TAFA1: variants seen among roughly 807,000 people sequenced by gnomAD.
TAFA1 encodes the protein TAFA chemokine like family member 1, also known as chemokine-like protein TAFA-1.
Under a neutral mutation model 18.5 loss-of-function variants are expected in TAFA1, and 4 were observed. That is an observed-to-expected ratio of 0.22 (90% confidence interval 0.11 to 0.49). TAFA1 has a LOEUF of 0.49. TAFA1 is among the 20% of genes least tolerant of loss of function. TAFA1 has a pLI of 0.98. For missense variants in TAFA1, 147 were observed against 169.0 expected, an observed-to-expected ratio of 0.87 and a Z score of 0.72; for synonymous variants, 56 against 55.2, an observed-to-expected ratio of 1.01 and a Z score of -0.06.
Position 68,087,934 on chromosome 3 carries a change from A to G in TAFA1, c.118+81190A>G, listed in dbSNP as rs140069652. On this transcript the variant is annotated intron_variant, in intron 2 of 4. Transcript: ENST00000478136. ...TTATTTATTCATTCAATAAACATTTATTGAGCTGATACTGTGTGCCAGGTT... is the reference window on the plus strand; with the variant it reads ...TTATTTATTCATTCAATAAACATTTGTTGAGCTGATACTGTGTGCCAGGTT... Among the ~76,000 whole-genome samples the G allele has an allele frequency of 6.0e-4, 92 of 152,294 alleles. 2 individuals carry two copies. The highest frequency in any genetic ancestry group is 2.1e-3 in the African/African-American group (87 of 41,562).
intron 2 of TAFA1, among the ~76,000 whole-genome samples, chr3:68,094,515 G>A (rs2065064935): frequency 6.6e-6 from 1 of 152,122 alleles, no homozygotes; most frequent in South Asian, 2.1e-4. Flanking sequence ...TATTAAGAAA[G>A]TCAGATTTTG....
chr3:68,302,654 G>A (rs1003328359), intron 2 of TAFA1, among the ~76,000 whole-genome samples: 3 of 151,754 alleles, frequency 2.0e-5, no homozygotes, highest in Admixed American at 6.6e-5. Context: ...ACAATGTCTG[G>A]TATCGAAGGT....
At chr3:68,289,262 C>G (rs535566633) in intron 2 of TAFA1, among the ~76,000 whole-genome samples, 2 of 152,324 alleles carry the variant, frequency 1.3e-5, no homozygotes, top group East Asian at 3.9e-4. Flanking sequence ...ATAGGTTGCA[C>G]TTTCACTCTT....
intron 2 of TAFA1, among the ~76,000 whole-genome samples, chr3:68,104,128 C>T (rs1240436777): frequency 6.6e-6 from 1 of 152,198 alleles, no homozygotes; most frequent in Admixed American, 6.5e-5. Context: ...ATAACTCTCA[C>T]ATTCTGTACT....
At chr3:68,394,055 C>G (rs2070323210) in intron 2 of TAFA1, among the ~76,000 whole-genome samples, 1 of 151,714 alleles carries the variant, frequency 6.6e-6, no homozygotes, top group Non-Finnish European at 1.5e-5. Context: ...TAGAAAACCA[C>G]ATCGTCTCAA....
intron 2 of TAFA1, among the ~76,000 whole-genome samples, chr3:68,243,341 C>T (rs2067025616): frequency 6.6e-6 from 1 of 151,794 alleles, no homozygotes. Flanking sequence ...TACTCATTTG[C>T]ATGTGTGTGT....
chr3:68,456,965 A>T (rs2071678398), intron 3 of TAFA1, among the ~76,000 whole-genome samples: 2 of 152,212 alleles, frequency 1.3e-5, no homozygotes, highest in South Asian at 4.1e-4. Context: ...CCATGGTGTT[A>T]TCCAAGGTTT....
intron 2 of TAFA1, among the ~76,000 whole-genome samples, chr3:68,186,978 GA>G (rs138477001): frequency 1.2e-4 from 17 of 146,514 alleles, no homozygotes; most frequent in Middle Eastern, 3.4e-3. Context: ...AAGTTTGTGG[GA>G]AAAAAAAAAG....
intron 2 of TAFA1, among the ~76,000 whole-genome samples, chr3:68,180,324 GC>G (rs1322713641): frequency 6.6e-6 from 1 of 151,906 alleles, no homozygotes; most frequent in Non-Finnish European, 1.5e-5. Context: ...ACAAGTGTGA[GC>G]CACCACATCC....
intron 3 of TAFA1, among the ~76,000 whole-genome samples, chr3:68,427,773 G>T (rs1559665362): frequency 6.6e-6 from 1 of 151,870 alleles, no homozygotes; most frequent in Non-Finnish European, 1.5e-5. Context: ...TGTCATGGGA[G>T]GGACCCAGTT....
chr3:68,308,697 A>C (rs2106670056), intron 2 of TAFA1, among the ~76,000 whole-genome samples: 1 of 152,282 alleles, frequency 6.6e-6, no homozygotes, highest in South Asian at 2.1e-4. Flanking sequence ...TGATTTCATC[A>C]GGAATATAAT....
chr3:68,532,880 A>AAATAATAATAATAATAAT (rs3037452), intron 3 of TAFA1, among the ~76,000 whole-genome samples: 4 of 146,424 alleles, frequency 2.7e-5, no homozygotes, highest in African/African-American at 1.0e-4. Flanking sequence ...TTGTAAAGCA[A>AAATAATAATAATAATAAT]AATAATAATA....
At chr3:68,375,120 G>T (rs758435180) in intron 2 of TAFA1, among the ~76,000 whole-genome samples, 1 of 151,878 alleles carries the variant, frequency 6.6e-6, no homozygotes, top group Non-Finnish European at 1.5e-5. Context: ...AGATTTTTTT[G>T]TGTGTTCCCA....
At chr3:68,302,910 C>A (rs2068331731) in intron 2 of TAFA1, among the ~76,000 whole-genome samples, 1 of 152,198 alleles carries the variant, frequency 6.6e-6, no homozygotes, top group Non-Finnish European at 1.5e-5. Context: ...TATCCAAGTT[C>A]TACTACTAAC....
intron 2 of TAFA1, among the ~76,000 whole-genome samples, chr3:68,143,826 C>G (rs1320529498): frequency 1.3e-5 from 2 of 152,008 alleles, no homozygotes; most frequent in Admixed American, 6.5e-5. Flanking sequence ...ACTAAATGAC[C>G]TCCTAAGATC....
chr3:68,043,617 T>G (rs1705211451), intron 2 of TAFA1, among the ~76,000 whole-genome samples: 1 of 152,194 alleles, frequency 6.6e-6, no homozygotes, highest in African/African-American at 2.4e-5. Context: ...GGCTGGACTT[T>G]TGCCTTTTTT....
intron 2 of TAFA1, among the ~76,000 whole-genome samples, chr3:68,372,860 A>T (rs1171702257): frequency 1.3e-5 from 2 of 152,236 alleles, no homozygotes; most frequent in African/African-American, 4.8e-5. Flanking sequence ...AGCTAAGCCA[A>T]GGAATCCTCA....
chr3:68,185,693 T>G (rs1004488052), intron 2 of TAFA1, among the ~76,000 whole-genome samples: 4 of 151,988 alleles, frequency 2.6e-5, no homozygotes, highest in African/African-American at 9.7e-5. Context: ...ATAGCTCACT[T>G]GAGCTCAGGA....
intron 2 of TAFA1, among the ~76,000 whole-genome samples, chr3:68,373,748 A>T (rs973170638): frequency 6.6e-6 from 1 of 152,214 alleles, no homozygotes; most frequent in Non-Finnish European, 1.5e-5. Context: ...GGAAGACCAG[A>T]TACGCCAATC....
Sources: allele counts gnomAD v4.1 joint callset (sites outside exome capture counted in the v4.1 genomes callset), GRCh38; gene constraint gnomAD v4.1.1; transcripts MANE v1.5; gene names NCBI Gene and HGNC (gene_info 2026-07-23, HGNC 2026-07-21).